Variants in TK1 observed in about 807,000 individuals in gnomAD.
TK1 encodes the protein thymidine kinase, cytosolic.
In TK1, 13 loss-of-function variants were observed where a neutral mutation model predicts 22.4. The ratio of observed to expected loss-of-function variants is 0.58; its 90% CI spans 0.38 to 0.92. TK1 has a LOEUF of 0.92. Among genes scored for constraint, TK1 ranks in the 40% least tolerant of loss-of-function variants. The probability of loss-of-function intolerance (pLI) is 0.00; values close to 1 mark genes in which losing one functional copy is unlikely to be tolerated. For missense variants in TK1, 251 were observed against 315.7 expected (o/e 0.80, Z 1.55); for synonymous variants, 134 against 125.4 (o/e 1.07, Z -0.46).
Position 78,175,627 on chromosome 17 carries a change from G to A in TK1, c.304-9C>T. On this transcript the variant is annotated splice_polypyrimidine_tract_variant and intron_variant, in intron 4 of 6. Transcript: ENST00000301634. ...TCCACGATGTCAGGGAACTGGAAAG[G>A]GCACGTGGAGAAAGAGTGTGAGAGC... 1.2e-6 allele frequency: 2 copies of A among 1,611,948 alleles called. No homozygotes were observed. The highest frequency in any genetic ancestry group is 1.7e-6 in the Non-Finnish European group (2 of 1,179,242).
intron 2 of TK1, 117 bp downstream of exon 2, chr17:78,186,670 A>G (rs1436730326): frequency 7.1e-5 from 59 of 832,596 alleles, no homozygotes; most frequent in Admixed American, 4.9e-4. Flanking sequence ...AGGGGAAGGG[A>G]AGGGGAGGGA....
intron 3 of TK1, chr17:78,183,918 G>A (rs1327225566): frequency 2.0e-5 from 3 of 152,216 alleles, no homozygotes; most frequent in Admixed American, 2.0e-4. Context: ...CAATGCTGCT[G>A]GCCCAGCCTT....
In TK1 at chr17:78,186,818, C is replaced by T; in HGVS notation, c.67G>A (p.Val23Met). 6.3e-7 allele frequency: 1 copy of T among 1,583,192 alleles called. No homozygotes were observed. The highest frequency in any genetic ancestry group is 8.6e-7 in the Non-Finnish European group (1 of 1,165,016). The stretch of plus-strand genomic sequence containing the variant: ...CCTGAGAACATCGGCCCGAGAATCA[C>T]CTAGGAGAGAAGGTGAGGTCATTTG... Reference protein sequence around the residue: ...SPSKTRGQIQVILGPMFSGKS... With the variant: ...SPSKTRGQIQMILGPMFSGKS... The change falls in exon 2 of 7, where the codon GTG (valine) becomes ATG (methionine). Residue 23 changes from valine to methionine, a missense_variant and splice_region_variant. Val to Met is a conservative substitution (Grantham distance 21). Transcript: ENST00000301634.
rs1229161131 is a variant in TK1 at position 78,185,044 on chromosome 17, C to A, written c.209+11G>T. The A allele has an allele frequency of 1.9e-6, 3 of 1,610,524 alleles. No homozygotes were observed. In the Admixed American group the frequency reaches 5.0e-5, roughly 27 times the overall value. On this transcript the variant is annotated intron_variant, in intron 3 of 6. Transcript: ENST00000301634. ...TTCCACTGGACAGGACTGCAGGGGGCAGGGACTGACCGGTCATGTGTGCAG... is the reference window on the plus strand; with the variant it reads ...TTCCACTGGACAGGACTGCAGGGGGAAGGGACTGACCGGTCATGTGTGCAG...
rs202174305 is a variant in TK1, at chr17:78,175,087, T to C, written c.476A>G (p.Glu159Gly). ...GCCGAGCCTCTTGGTATAGGCGGCT[T>C]CCCGGAAGCACTCCATGCACACCGC... The part of the protein sequence containing the change: ...LTAVCMECFR[E>G]AAYTKRLGTE... The change falls in exon 6 of 7, where the codon GAA (glutamate) becomes GGA (glycine). Residue 159 changes from glutamate to glycine, a missense_variant. By Grantham distance (98) the Glu-to-Gly change is moderately conservative. Coordinates refer to ENST00000301634, the MANE Select transcript of TK1 (RefSeq NM_003258.5). The C allele has an allele frequency of 5.0e-6, 8 of 1,613,380 alleles. No homozygotes were observed. The Admixed American group carries it at 1.3e-4, about 27-fold the overall frequency.
chr17:78,186,810 G>C lies in TK1; in HGVS notation c.75C>G (p.Leu25=). 6.3e-7 allele frequency: 1 copy of C among 1,585,170 alleles called. No individual in the cohort carries two copies. Among genetic ancestry groups the C allele is most frequent in the Non-Finnish European group, 8.6e-7 (1 of 1,166,002 alleles). Residue 25 remains leucine (L), a synonymous_variant, in exon 2 of 7, where the codon CTC becomes CTG. Transcript: ENST00000301634. ...SKTRGQIQVI[L]GPMFSGKSTE... is the part of the protein sequence containing the mutation. Reference sequence around the variant, plus strand: ...ACCTTTTTCCTGAGAACATCGGCCCGAGAATCACCTAGGAGAGAAGGTGAG... The same window carrying C: ...ACCTTTTTCCTGAGAACATCGGCCCCAGAATCACCTAGGAGAGAAGGTGAG...
rs2075801393 is a variant in TK1, at chr17:78,186,691, AGG to A, written c.98+94_98+95del. On this transcript the variant is annotated intron_variant, in intron 2 of 6. Transcript: ENST00000301634. Reference sequence around the variant, plus strand: ...AGGGAAGGGGAGGGAAGGGAAGGGGAGGGGAGGGGAGGGGAGGGAAGGGGAGG... The same window carrying A: ...AGGGAAGGGGAGGGAAGGGAAGGGGAGGAGGGGAGGGGAGGGAAGGGGAGG... 8.7e-6 allele frequency: 7 copies of A among 804,360 alleles called. No homozygotes were observed. In the South Asian group the frequency reaches 1.2e-4, roughly 14 times the overall value. The allele number at this position is 804,360 out of a possible 1,614,324, so 49.8% of individuals were successfully genotyped here. A position where few individuals can be genotyped will look rare whatever the true frequency, so the allele number is the denominator to read the frequency against.
chr17:78,182,481 A>G (rs1388156329), intron 4 of TK1, 108 bp downstream of exon 4: 2 of 837,028 alleles, frequency 2.4e-6, no homozygotes, highest in Non-Finnish European at 3.6e-6. Flanking sequence ...TAGCTATTTA[A>G]CCTTGTTATT....
chr17:78,182,881 C>A (rs773535737), intron 3 of TK1, among the ~76,000 whole-genome samples, 199 bp from the exon 4 acceptor site: 3 of 152,186 alleles, frequency 2.0e-5, no homozygotes, highest in Admixed American at 6.5e-5. Context: ...TTTTATGAAA[C>A]AGAGTCTTGC....
At position 78,174,745 on chromosome 17, in the gene TK1, C is replaced by A. The variant is rs758672429; in HGVS notation, c.*14G>T. On this transcript the variant is annotated 3_prime_UTR_variant, in exon 7 of 7. Coordinates refer to ENST00000301634, the MANE Select transcript of TK1 (RefSeq NM_003258.5). The stretch of plus-strand genomic sequence containing the variant: ...GCAGTGGCAGGAAGGGAGCGGGCGG[C>A]CCTCGCAGGTCCCTCAGTTGGCAGG... 6.3e-7 allele frequency: 1 copy of A among 1,575,804 alleles called. No homozygotes were observed. Among genetic ancestry groups the A allele is most frequent in the Non-Finnish European group, 8.6e-7 (1 of 1,162,142 alleles).
At position 78,182,601 on chromosome 17, in the gene TK1, G is replaced by A. The variant is rs780899312; in HGVS notation, c.291C>T (p.Asp97=). The A allele has an allele frequency of 1.5e-5, 24 of 1,586,788 alleles. No homozygotes were observed. Among genetic ancestry groups the A allele is most frequent in the East Asian group, 2.3e-5 (1 of 43,742 alleles). Reference sequence around the variant, plus strand: ...CAAGCCAACTTACAAACTGCCCCTCGTCGATGCCTATGACAGCCACGCCCA... The same window carrying A: ...CAAGCCAACTTACAAACTGCCCCTCATCGATGCCTATGACAGCCACGCCCA... ...EALGVAVIGI[D]EGQFFPDIVE... The change falls in exon 4 of 7, where the codon GAC becomes GAT. Residue 97 remains aspartate (D), a synonymous_variant. Coordinates refer to ENST00000301634, the MANE Select transcript of TK1 (RefSeq NM_003258.5).
chr17:78,181,373 C>G (rs537797552), intron 4 of TK1, among the ~76,000 whole-genome samples: 59 of 152,188 alleles, frequency 3.9e-4, no homozygotes, highest in African/African-American at 1.4e-3. Flanking sequence ...CATGGTGAAC[C>G]CTTGTCTCTA....
rs142433192 is a variant in TK1, at chr17:78,175,141, G to A, written c.422C>T (p.Pro141Leu). Reference protein sequence around the residue: ...KPFGAILNLVPLAESVVKLTA... With the variant: ...KPFGAILNLVLLAESVVKLTA... ...CAGCTTCACCACGCTCTCGGCCAGCGGCACCAGGTTCAGGATGGCCCCAAA... is the reference window on the plus strand; with the variant it reads ...CAGCTTCACCACGCTCTCGGCCAGCAGCACCAGGTTCAGGATGGCCCCAAA... The change falls in exon 6 of 7, where the codon CCG becomes CTG. Residue 141 changes from proline to leucine, a missense_variant. By Grantham distance (98) the Pro-to-Leu change is moderately conservative (BLOSUM62 -3). Transcript: ENST00000301634. 9.3e-6 allele frequency: 15 copies of A among 1,613,118 alleles called. No homozygotes were observed. Among genetic ancestry groups the A allele is most frequent in the African/African-American group, 4.0e-5 (3 of 74,732 alleles).
chr17:78,175,687 G>A (rs1598964281), intron 4 of TK1, 69 bp from the exon 5 acceptor site: 13 of 1,407,788 alleles, frequency 9.2e-6, no homozygotes, highest in Admixed American at 5.6e-5. Context: ...GAGCCCCAGC[G>A]AAGACGCTGC....
intron 3 of TK1, 85 bp downstream of exon 3, chr17:78,184,970 C>T: frequency 2.9e-6 from 3 of 1,022,396 alleles, no homozygotes; most frequent in Middle Eastern, 2.1e-4. Context: ...AAATGATTAA[C>T]CATCCCCATT....
At chr17:78,180,285 C>T (rs2075729584) in intron 4 of TK1, among the ~76,000 whole-genome samples, 1 of 152,210 alleles carries the variant, frequency 6.6e-6, no homozygotes, top group South Asian at 2.1e-4. Flanking sequence ...GGCGGCCTCC[C>T]CATCAACCGG....
Position 78,174,867 on chromosome 17 carries a change from C to T in TK1, c.597G>A (p.Gly199=). 2 of 1,613,872 alleles carry T rather than the reference C, an allele frequency of 1.2e-6. No individual in the cohort carries two copies. The highest frequency in any genetic ancestry group is 1.1e-5 in the South Asian group (1 of 91,034). ...CTGGGCAGTTCTCTTTGTTGTCCGG[C>T]CCGGCAGGCTGGCCTGAGGCCTTCT... ...YFKKASGQPA[G]PDNKENCPVP... Residue 199 remains glycine, a synonymous_variant, in exon 7 of 7, where the codon GGG becomes GGA. Coordinates refer to ENST00000301634, the MANE Select transcript of TK1 (RefSeq NM_003258.5).
intron 4 of TK1, among the ~76,000 whole-genome samples, chr17:78,176,176 A>G (rs2075698226): frequency 6.6e-6 from 1 of 152,272 alleles, no homozygotes; most frequent in Non-Finnish European, 1.5e-5. Flanking sequence ...CTGGCCATTT[A>G]CAGAGCAGGA....
intron 5 of TK1, 82 bp downstream of exon 5, chr17:78,175,447 C>T (rs1236732947): frequency 1.4e-6 from 2 of 1,387,486 alleles, no homozygotes; most frequent in Admixed American, 2.0e-5. Flanking sequence ...GCCCTGGTCA[C>T]CCAGAGCTGG....
Sources: gnomAD v4.1 joint callset for allele counts (sites outside exome capture counted in the v4.1 genomes callset) on GRCh38, gnomAD v4.1.1 for gene constraint, MANE v1.5 for transcripts, NCBI Gene and HGNC (gene_info 2026-07-23, HGNC 2026-07-21) for gene names.